The following SP4 variants were observed in gnomAD, a reference collection of about 807,000 sequenced individuals.
SP4 encodes the protein Sp4 transcription factor, also known as transcription factor Sp4.
SP4 carries 19 observed loss-of-function variants against 72.8 expected under a neutral mutation model. The observed-to-expected ratio is 0.26, with a 90% confidence interval of 0.18 to 0.38. The LOEUF (loss-of-function observed/expected upper bound fraction) is 0.38, where lower values mean the gene tolerates loss of function less well. SP4 is among the 10% of genes least tolerant of loss of function. SP4 has a pLI of 1.00. For missense variants in SP4, 1,008 were observed against 926.3 expected (o/e 1.09, Z -1.14); for synonymous variants, 395 against 333.1 (o/e 1.19, Z -2.02).
At chr7:21,474,133 G>C (rs1784424765) in intron 3 of SP4, among the ~76,000 whole-genome samples, 1 of 152,146 alleles carries the variant, frequency 6.6e-6, no homozygotes, top group South Asian at 2.1e-4. Context: ...ATGGTCAGGG[G>C]ACCAGAGGGA....
At chr7:21,459,670 A>G (rs193243394) in intron 3 of SP4, among the ~76,000 whole-genome samples, 1 of 152,270 alleles carries the variant, frequency 6.6e-6, no homozygotes, top group Admixed American at 6.5e-5. Flanking sequence ...TGATTCTGTG[A>G]TTGCCTTTGC....
At chr7:21,469,967 G>C (rs1044079053) in intron 3 of SP4, among the ~76,000 whole-genome samples, 2 of 152,092 alleles carry the variant, frequency 1.3e-5, no homozygotes, top group Non-Finnish European at 2.9e-5. Context: ...GTAGTACATA[G>C]TTTCAGAACC....
intron 3 of SP4, among the ~76,000 whole-genome samples, chr7:21,470,570 A>T (rs763941446): frequency 8.5e-5 from 13 of 152,182 alleles, no homozygotes; most frequent in Admixed American, 3.3e-4. Flanking sequence ...GTGTTAGCTT[A>T]AATTCAAGTC....
intron 3 of SP4, among the ~76,000 whole-genome samples, chr7:21,431,608 C>T (rs1054771626): frequency 2.6e-5 from 4 of 152,038 alleles, no homozygotes; most frequent in African/African-American, 7.2e-5. Flanking sequence ...ATTTTTAAAC[C>T]TATTGTAAAA....
intron 3 of SP4, among the ~76,000 whole-genome samples, chr7:21,451,224 C>T (rs1219429825): frequency 6.6e-6 from 1 of 152,190 alleles, no homozygotes; most frequent in Non-Finnish European, 1.5e-5. Context: ...TATGCTTGAG[C>T]TCACTCGTCC....
At chr7:21,454,688 T>C (rs1323016150) in intron 3 of SP4, among the ~76,000 whole-genome samples, 1 of 152,192 alleles carries the variant, frequency 6.6e-6, no homozygotes, top group Non-Finnish European at 1.5e-5. Flanking sequence ...GTTAGATTTT[T>C]ACTAAGGCTT....
intron 3 of SP4, among the ~76,000 whole-genome samples, chr7:21,441,911 A>G (rs1399569471): frequency 1.3e-5 from 2 of 151,866 alleles, no homozygotes; most frequent in East Asian, 1.9e-4. Flanking sequence ...CCCTCATAGG[A>G]TATATTATCT....
chr7:21,468,373 A>G (rs1784231928), intron 3 of SP4, among the ~76,000 whole-genome samples: 1 of 152,136 alleles, frequency 6.6e-6, no homozygotes, highest in Admixed American at 6.5e-5. Flanking sequence ...ATTTAGTTTA[A>G]TGATTCTTCC....
At chr7:21,472,545 G>A (rs750359672) in intron 3 of SP4, among the ~76,000 whole-genome samples, 12 of 151,716 alleles carry the variant, frequency 7.9e-5, no homozygotes, top group East Asian at 3.9e-4. Flanking sequence ...CTCCTGCCTC[G>A]GCCTCCCAAA....
At chr7:21,465,361 G>T (rs1263784284) in intron 3 of SP4, among the ~76,000 whole-genome samples, 1 of 152,134 alleles carries the variant, frequency 6.6e-6, no homozygotes. Context: ...CTTAAGGAGA[G>T]AATATAGCCA....
At chr7:21,433,663 G>A (rs893850502) in intron 3 of SP4, among the ~76,000 whole-genome samples, 7 of 152,118 alleles carry the variant, frequency 4.6e-5, no homozygotes, top group East Asian at 1.9e-4. Context: ...AGAGTGGGCC[G>A]GGTGCAGTGG....
At chr7:21,472,383 C>T in intron 3 of SP4, among the ~76,000 whole-genome samples, 1 of 152,142 alleles carries the variant, frequency 6.6e-6, no homozygotes, top group East Asian at 1.9e-4. Context: ...CCCCAGGGCT[C>T]AAGTGATCCT....
rs185206623 is a variant in SP4 at position 21,456,101 on chromosome 7, G to C, written c.1679-20978G>C. Among the ~76,000 whole-genome samples the C allele has an allele frequency of 4.2e-3, 644 of 152,324 alleles. 6 individuals carry two copies. Among genetic ancestry groups the C allele is most frequent in the Middle Eastern group, 6.8e-3 (2 of 294 alleles). On this transcript the variant is annotated intron_variant, in intron 3 of 5. Coordinates refer to ENST00000222584, the MANE Select transcript of SP4 (RefSeq NM_003112.5). ...TGCAAAAACAGCAGCCCTTGGATTT[G>C]AGGGGGCAACATTTATTGGCCCTCT... is the stretch of plus-strand genomic sequence containing the variant.
chr7:21,436,393 A>G (rs1406311661), intron 3 of SP4, among the ~76,000 whole-genome samples: 1 of 152,216 alleles, frequency 6.6e-6, no homozygotes, highest in African/African-American at 2.4e-5. Flanking sequence ...TTGTAGAAAT[A>G]ACAGACTTAC....
At chr7:21,467,374 A>C (rs903604307) in intron 3 of SP4, among the ~76,000 whole-genome samples, 1 of 152,086 alleles carries the variant, frequency 6.6e-6, no homozygotes, top group African/African-American at 2.4e-5. Context: ...ATATATCCAT[A>C]CCATATTATA....
At chr7:21,472,524 C>A (rs1262683500) in intron 3 of SP4, among the ~76,000 whole-genome samples, 3 of 151,810 alleles carry the variant, frequency 2.0e-5, no homozygotes, top group African/African-American at 7.3e-5. Flanking sequence ...AACTCCTGGG[C>A]TCAAGCAGTC....
chr7:21,491,623 A>T (rs1445821499), intron 5 of SP4, among the ~76,000 whole-genome samples: 1 of 152,224 alleles, frequency 6.6e-6, no homozygotes, highest in African/African-American at 2.4e-5. Flanking sequence ...TAAATCAAAG[A>T]TAAAAAATCT....
chr7:21,463,840 T>C (rs994757392), intron 3 of SP4, among the ~76,000 whole-genome samples: 3 of 152,190 alleles, frequency 2.0e-5, no homozygotes, highest in South Asian at 2.1e-4. Context: ...AGAATACTTA[T>C]AGATTTATTT....
In SP4 at chr7:21,443,981, T is replaced by G. The variant is rs191917639; in HGVS notation, c.1678+13138T>G. 6.0e-3 allele frequency among the ~76,000 whole-genome samples: 907 copies of G among 152,346 alleles called. 6 individuals carry two copies. Among genetic ancestry groups the G allele is most frequent in the Non-Finnish European group, 6.6e-3 (451 of 68,038 alleles). ...TTTTGTTAGTATAGGTTTTTAAAGT[T>G]AAAGCGTATTTTTATTTTCAGAATT... On this transcript the variant is annotated intron_variant, in intron 3 of 5. Coordinates refer to ENST00000222584, the MANE Select transcript of SP4 (RefSeq NM_003112.5).
Sources: gnomAD v4.1 joint callset for allele counts (sites outside exome capture counted in the v4.1 genomes callset) on GRCh38, gnomAD v4.1.1 for gene constraint, MANE v1.5 for transcripts, NCBI Gene and HGNC (gene_info 2026-07-23, HGNC 2026-07-21) for gene names.